Variants in NLRP11 observed in about 807,000 individuals in gnomAD.
The protein encoded by NLRP11 is NACHT, LRR and PYD domains-containing protein 11.
In NLRP11, 53 loss-of-function variants were observed where a neutral mutation model predicts 79.3. The observed-to-expected ratio is 0.67, with a 90% CI of 0.54 to 0.84. The LOEUF (loss-of-function observed/expected upper bound fraction) is 0.84. NLRP11 is among the 40% of genes least tolerant of loss of function. NLRP11 has a pLI of 0.00. For synonymous variants in NLRP11, 518 were observed against 462.6 expected, an observed-to-expected ratio of 1.12 and a Z score of -1.54; for missense variants, 1,264 against 1,255.0, an observed-to-expected ratio of 1.01 and a Z score of -0.11.
At chr19:55,797,535 CA>C (rs1318887176) in intron 5 of NLRP11, among the ~76,000 whole-genome samples, 4 of 152,178 alleles carry the variant, frequency 2.6e-5, no homozygotes, top group Admixed American at 1.3e-4. Flanking sequence ...ATTGTAAAGA[CA>C]GGGCTGAATG....
At chr19:55,800,837 A>G (rs1240601463) in intron 5 of NLRP11, among the ~76,000 whole-genome samples, 1 of 152,170 alleles carries the variant, frequency 6.6e-6, no homozygotes, top group Non-Finnish European at 1.5e-5. Flanking sequence ...AGCTTTTTGC[A>G]TTAATGACAT....
chr19:55,785,609 T>G (rs1436006235), exon 10 of NLRP11: 2 of 1,602,632 alleles, frequency 1.2e-6, no homozygotes, highest in South Asian at 2.2e-5. Context: ...ATAAATACTG[T>G]TTACGTACAA....
At chr19:55,821,201 TCTCTCACACACA>T (rs1568642796) in intron 1 of NLRP11, among the ~76,000 whole-genome samples, 1 of 89,330 alleles carries the variant, frequency 1.1e-5, no homozygotes, top group Non-Finnish European at 2.2e-5. Context: ...TCTCTCTCTC[TCTCTCACACACA>T]CACACACACA....
intron 1 of NLRP11, among the ~76,000 whole-genome samples, chr19:55,823,082 C>A (rs373085157): frequency 0.015 from 1,835 of 122,534 alleles, no homozygotes; most frequent in African/African-American, 0.032. Context: ...CAGCAGACTG[C>A]CTCCTCAAGT....
chr19:55,807,027 C>G (rs1048692524), intron 4 of NLRP11, among the ~76,000 whole-genome samples: 1 of 152,136 alleles, frequency 6.6e-6, no homozygotes, highest in African/African-American at 2.4e-5. Context: ...CTTTTCCCCC[C>G]GTAACACCAT....
At chr19:55,813,998 T>C (rs574678517) in intron 2 of NLRP11, among the ~76,000 whole-genome samples, 1 of 152,252 alleles carries the variant, frequency 6.6e-6, no homozygotes, top group South Asian at 2.1e-4. Flanking sequence ...CAGACTGATA[T>C]CAGTCTGTGG....
upstream of NLRP11, among the ~76,000 whole-genome samples, chr19:55,835,584 G>A (rs1983182103): frequency 6.6e-6 from 1 of 150,810 alleles, no homozygotes. Context: ...GCTCATGCCT[G>A]TAATCCCGGC....
rs1981301193 is a variant in NLRP11 at position 55,817,896 on chromosome 19, C to T, written c.271+8G>A. 14 of 1,597,194 alleles carry T rather than the reference C, an allele frequency of 8.8e-6. No individual in the cohort carries two copies. In the East Asian group the frequency reaches 3.2e-4, roughly 36 times the overall value. ...ATTTCTGCCCACCCTTCTCGTGACCCCACTCACGGTTTCGTCTGCCAATGA... is the reference window on the plus strand; with the variant it reads ...ATTTCTGCCCACCCTTCTCGTGACCTCACTCACGGTTTCGTCTGCCAATGA... On this transcript the variant is annotated splice_region_variant and intron_variant, in intron 2 of 9. Transcript: ENST00000589093.
intron 6 of NLRP11, among the ~76,000 whole-genome samples, chr19:55,793,202 G>A (rs1214647301): frequency 2.6e-5 from 4 of 151,934 alleles, no homozygotes; most frequent in African/African-American, 7.3e-5. Context: ...TTTTTAACCC[G>A]TTTTCTGTTT....
At chr19:55,831,118 A>ACCCCCCCG (rs1982737635) in intron 1 of NLRP11, among the ~76,000 whole-genome samples, 2 of 13,858 alleles carry the variant, frequency 1.4e-4, no homozygotes, top group African/African-American at 5.5e-4. Flanking sequence ...CATCCCCCCC[A>ACCCCCCCG]CCCCCCCGCC....
exon 6 of NLRP11, chr19:55,796,160 G>A: frequency 6.2e-7 from 1 of 1,614,092 alleles, no homozygotes; most frequent in East Asian, 2.2e-5. Context: ...GCGGATTGCT[G>A]GATAAGGTCA....
rs1208814057 is a variant in NLRP11 at position 55,817,822 on chromosome 19, A to G, written c.271+82T>C. On this transcript the variant is annotated intron_variant, in intron 2 of 9. Transcript: ENST00000589093. ...CCTGCTTCCCAGAAACCTATTTAGAAAAAAAAAAAAAAAAAGGCCCAACAC... is the reference window on the plus strand; with the variant it reads ...CCTGCTTCCCAGAAACCTATTTAGAGAAAAAAAAAAAAAAAGGCCCAACAC... 3.5e-4 allele frequency: 196 copies of G among 552,732 alleles called. 2 individuals are homozygous for G. The Admixed American group carries it at 4.5e-3, about 13-fold the overall frequency. 34.2% of individuals were successfully genotyped at this position (552,732 alleles called of 1,614,324 possible). A position where few individuals can be genotyped will look rare whatever the true frequency, so the allele number is the denominator to read the frequency against.
chr19:55,803,084 C>T (rs773333018), intron 4 of NLRP11, among the ~76,000 whole-genome samples: 6 of 152,166 alleles, frequency 3.9e-5, no homozygotes, highest in Non-Finnish European at 8.8e-5. Context: ...CACAGTGACT[C>T]ATGCCTGTAA....
chr19:55,822,463 G>A (rs953172805), intron 1 of NLRP11, among the ~76,000 whole-genome samples: 3 of 152,174 alleles, frequency 2.0e-5, no homozygotes, highest in Non-Finnish European at 4.4e-5. Flanking sequence ...CGTGAGCAAC[G>A]CAGAAGACGG....
At position 55,808,763 on chromosome 19, in the gene NLRP11, A is replaced by T; in HGVS notation, c.1841+6T>A. ...AGGAAAGAGGATTTATTTTTTAAAG[A>T]CTCACCTAGCAGTTGGCCTTATAAG... On this transcript the variant is annotated splice_donor_region_variant and intron_variant, in intron 3 of 9. Coordinates refer to ENST00000589093, the Ensembl canonical transcript of NLRP11. 6.3e-7 allele frequency: 1 copy of T among 1,589,148 alleles called. No homozygotes were observed. Among genetic ancestry groups the T allele is most frequent in the Non-Finnish European group, 8.5e-7 (1 of 1,169,632 alleles).
intron 4 of NLRP11, among the ~76,000 whole-genome samples, chr19:55,804,160 T>C (rs1321500091): frequency 6.6e-6 from 1 of 152,176 alleles, no homozygotes; most frequent in Non-Finnish European, 1.5e-5. Context: ...TTCCCACTGT[T>C]GGTGGGAGTG....
At chr19:55,792,551 C>T (rs1046021891) in intron 6 of NLRP11, 80 bp from the exon 7 acceptor site, 32 of 1,109,110 alleles carry the variant, frequency 2.9e-5, no homozygotes, top group African/African-American at 1.9e-4. Context: ...CCCACGCCCA[C>T]GGGCGCCTCG....
intron 5 of NLRP11, among the ~76,000 whole-genome samples, chr19:55,800,014 G>A (rs762761627): frequency 1.3e-5 from 2 of 152,038 alleles, no homozygotes; most frequent in Non-Finnish European, 2.9e-5. Flanking sequence ...TGAAGGGGGT[G>A]AAAGGGTGGG....
chr19:55,795,374 T>A (rs1012252245), intron 6 of NLRP11, among the ~76,000 whole-genome samples: 2 of 151,584 alleles, frequency 1.3e-5, no homozygotes, highest in Non-Finnish European at 2.9e-5. Flanking sequence ...TCACATCTCA[T>A]CCTACACGAC....
Sources: allele counts gnomAD v4.1 joint callset (sites outside exome capture counted in the v4.1 genomes callset), GRCh38; gene constraint gnomAD v4.1.1; transcripts MANE v1.5; gene names NCBI Gene and HGNC (gene_info 2026-07-23, HGNC 2026-07-21).